The following SLC9A1 variants were observed in gnomAD, a reference collection of about 807,000 sequenced individuals.
The protein encoded by SLC9A1 is sodium/hydrogen exchanger 1.
A neutral mutation model predicts 67.9 loss-of-function variants in SLC9A1; 22 were observed. That is an observed-to-expected ratio of 0.32 (90% CI 0.23 to 0.46). SLC9A1 has a LOEUF of 0.46. Ranked by LOEUF, SLC9A1 falls within the 20% of genes least tolerant of loss-of-function variation. SLC9A1 has a pLI of 1.00. For missense variants in SLC9A1, 686 were observed against 1,094.8 expected (o/e 0.63, Z 5.27); for synonymous variants, 421 against 471.8 (o/e 0.89, Z 1.40).
At chr1:27,144,563 C>T (rs762552602) in intron 1 of SLC9A1, among the ~76,000 whole-genome samples, 13 of 152,262 alleles carry the variant, frequency 8.5e-5, no homozygotes, top group South Asian at 6.2e-4. Flanking sequence ...GCAACCTTTG[C>T]TCTCCCTCCT....
chr1:27,136,061 C>T (rs2083418752), intron 1 of SLC9A1, among the ~76,000 whole-genome samples: 1 of 152,226 alleles, frequency 6.6e-6, no homozygotes, highest in Non-Finnish European at 1.5e-5. Context: ...TGGCCCCTGA[C>T]TGCCCAGAAG....
rs1170099088 is a variant in SLC9A1 at position 27,100,138 on chromosome 1, G to A, written c.*169C>T. 1.0e-5 allele frequency: 5 copies of A among 490,062 alleles called. No homozygotes were observed. Among genetic ancestry groups the A allele is most frequent in the African/African-American group, 7.9e-5 (4 of 50,618 alleles). The allele number at this position is 490,062 out of a possible 1,614,324, so 30.4% of individuals were successfully genotyped here. A position where few individuals can be genotyped will look rare whatever the true frequency, so the allele number is the denominator to read the frequency against. On this transcript the variant is annotated 3_prime_UTR_variant, in exon 12 of 12. Coordinates refer to ENST00000263980, the MANE Select transcript of SLC9A1 (RefSeq NM_003047.5). The surrounding 1 kb of genome is among the most constrained non-coding windows in gnomAD (Gnocchi z 5.6). ...CTGGTGGGGAGGATGCTTCCCGGGA[G>A]GCGGCAGGGGAGGAGCTGTGCTGGG...
intron 1 of SLC9A1, among the ~76,000 whole-genome samples, chr1:27,125,371 G>A (rs2083336155): frequency 7.0e-6 from 1 of 142,730 alleles, no homozygotes; most frequent in African/African-American, 2.6e-5. Flanking sequence ...TCAGCCACCT[G>A]AGTAGCTGGC....
At chr1:27,105,025 G>A (rs948292674) in intron 5 of SLC9A1, among the ~76,000 whole-genome samples, 17 of 152,142 alleles carry the variant, frequency 1.1e-4, no homozygotes, top group African/African-American at 4.1e-4. Context: ...GAATCATCTC[G>A]CCTGGTTCCC....
At position 27,113,975 on chromosome 1, in the gene SLC9A1, T is replaced by C. The variant is rs757045960; in HGVS notation, c.664A>G (p.Ile222Val). 6 of 1,614,120 alleles carry C rather than the reference T, an allele frequency of 3.7e-6. No homozygotes were observed. Among genetic ancestry groups the C allele is most frequent in the Non-Finnish European group, 5.1e-6 (6 of 1,180,030 alleles). Reference sequence around the variant, plus strand: ...AAGAGCAGGTTGTCCAGGAGGCCGATGTTGTTGATCTGCTCACCGCCCACC... The same window carrying C: ...AAGAGCAGGTTGTCCAGGAGGCCGACGTTGTTGATCTGCTCACCGCCCACC... ...CLVGGEQINN[I>V]GLLDNLLFGS... is the part of the protein sequence containing the mutation. The change falls in exon 2 of 12, where the codon ATC becomes GTC. Residue 222 changes from isoleucine to valine, a missense_variant. This residue lies in a region of SLC9A1 where 49 missense variants were observed against 73.1 expected (regional missense o/e 0.67). Coordinates refer to ENST00000263980, the MANE Select transcript of SLC9A1 (RefSeq NM_003047.5).
At chr1:27,124,219 G>A (rs948548025) in intron 1 of SLC9A1, among the ~76,000 whole-genome samples, 1 of 152,102 alleles carries the variant, frequency 6.6e-6, no homozygotes, top group Non-Finnish European at 1.5e-5. Context: ...CTCAGTAAGA[G>A]AGCTTCCATT....
In SLC9A1 at chr1:27,114,816, A is replaced by T. The variant is rs1000935213; in HGVS notation, c.353-530T>A. Among the ~76,000 whole-genome samples, 30 of 152,152 alleles carry T rather than the reference A, an allele frequency of 2.0e-4. No homozygotes were observed. The highest frequency in any genetic ancestry group is 7.0e-4 in the African/African-American group (29 of 41,418). ...AGACAACCAGCTGGTGGGGAGTGGC[A>T]TAGGAGACAGAAGAAAGCACAGAAG... On this transcript the variant is annotated intron_variant, in intron 1 of 11. Transcript: ENST00000263980. The surrounding 1 kb of genome is among the most constrained non-coding windows in gnomAD (Gnocchi z 5.4).
intron 6 of SLC9A1, 88 bp from the exon 7 acceptor site, chr1:27,102,831 T>C (rs1231619687): frequency 8.4e-7 from 1 of 1,186,560 alleles, no homozygotes; most frequent in African/African-American, 1.5e-5. Context: ...CTCCCGTAGC[T>C]GCAGCCCTGC....
rs143839708 is a variant in SLC9A1 at position 27,139,094 on chromosome 1, G to A, written c.352+14889C>T. ...AGTTCCAGATGCTTCATCCAGCCCC[G>A]CCCACCTACTGTCTTATTTCTCACT... On this transcript the variant is annotated intron_variant, in intron 1 of 11. Coordinates refer to ENST00000263980, the MANE Select transcript of SLC9A1 (RefSeq NM_003047.5). 4.1e-3 allele frequency among the ~76,000 whole-genome samples: 620 copies of A among 152,136 alleles called. 13 individuals carry two copies. The highest frequency in any genetic ancestry group is 9.1e-3 in the East Asian group (47 of 5,172).
At position 27,100,249 on chromosome 1, in the gene SLC9A1, G is replaced by C. The variant is rs2083130606; in HGVS notation, c.*58C>G. ...GGAAGGGCAAGGGGAGCCCCCAGCA[G>C]CCCCTGCTCTGGTGGAAGAGTCTGT... On this transcript the variant is annotated 3_prime_UTR_variant, in exon 12 of 12. Transcript: ENST00000263980. The surrounding 1 kb of genome is among the most constrained non-coding windows in gnomAD (Gnocchi z 5.6). 7.6e-7 allele frequency: 1 copy of C among 1,311,968 alleles called. No homozygotes were observed. The highest frequency in any genetic ancestry group is 1.5e-5 in the African/African-American group (1 of 67,126). The allele number at this position is 1,311,968 out of a possible 1,614,324, so 81.3% of individuals were successfully genotyped here.
In SLC9A1 at chr1:27,105,925, G is replaced by A; in HGVS notation, c.1445C>T (p.Thr482Ile). 6.2e-7 allele frequency: 1 copy of A among 1,613,682 alleles called. No individual in the cohort carries two copies. Among genetic ancestry groups the A allele is most frequent in the Non-Finnish European group, 8.5e-7 (1 of 1,180,022 alleles). Residue 482 changes from threonine (T) to isoleucine (I), a missense_variant, in exon 5 of 12, where the codon ACT (threonine) becomes ATT (isoleucine). Physicochemically the swap from Thr to Ile is moderately conservative, Grantham distance 89. Transcript: ENST00000263980. ...KHFPMCDLFL[T>I]AIITVIFFTV... The stretch of plus-strand genomic sequence containing the variant: ...GAAGAAGATGACAGTGATGATGGCA[G>A]TGAGGAACAGGTCACACATGGGGAA...
At chr1:27,148,658 T>G (rs2083505180) in intron 1 of SLC9A1, among the ~76,000 whole-genome samples, 1 of 152,150 alleles carries the variant, frequency 6.6e-6, no homozygotes, top group Non-Finnish European at 1.5e-5. Flanking sequence ...ACAGGACCAC[T>G]GAGAAGATCT....
intron 1 of SLC9A1, among the ~76,000 whole-genome samples, chr1:27,133,170 C>T (rs958516936): frequency 2.6e-5 from 4 of 151,988 alleles, no homozygotes; most frequent in African/African-American, 4.8e-5. Flanking sequence ...TGGGTTCAAG[C>T]GATTCTTGTG....
At chr1:27,132,564 C>T (rs1177581168) in intron 1 of SLC9A1, among the ~76,000 whole-genome samples, 2 of 152,184 alleles carry the variant, frequency 1.3e-5, no homozygotes, top group Non-Finnish European at 2.9e-5. Context: ...CCCCTCCTCA[C>T]AGGGTCAGGT....
intron 2 of SLC9A1, among the ~76,000 whole-genome samples, chr1:27,111,717 G>C (rs752035897): frequency 2.0e-5 from 3 of 152,144 alleles, no homozygotes; most frequent in Non-Finnish European, 4.4e-5. Context: ...GGCTAAGAGG[G>C]GATGATCATT....
Position 27,101,309 on chromosome 1 carries a change from A to G in SLC9A1, c.2038-34T>C, listed in dbSNP as rs774981723. The G allele has an allele frequency of 1.3e-6, 2 of 1,566,622 alleles. No individual in the cohort carries two copies. Among genetic ancestry groups the G allele is most frequent in the South Asian group, 1.1e-5 (1 of 90,122 alleles). On this transcript the variant is annotated intron_variant, in intron 10 of 11. Coordinates refer to ENST00000263980, the MANE Select transcript of SLC9A1 (RefSeq NM_003047.5). This position sits in a 1 kb window ranked among gnomAD's most constrained non-coding sequence, Gnocchi z 4.9. ...GAGGACAGACGGGGTGAGCACAGGCAGCTGGGCAGAGGGAGCCCCTCAGGA... is the reference window on the plus strand; with the variant it reads ...GAGGACAGACGGGGTGAGCACAGGCGGCTGGGCAGAGGGAGCCCCTCAGGA...
chr1:27,110,785 T>C (rs1311858732), intron 2 of SLC9A1, among the ~76,000 whole-genome samples: 1 of 152,144 alleles, frequency 6.6e-6, no homozygotes, highest in African/African-American at 2.4e-5. Flanking sequence ...GATCTGCCCC[T>C]CCTATTGCTA....
At chr1:27,131,182 G>T (rs1340313676) in intron 1 of SLC9A1, among the ~76,000 whole-genome samples, 1 of 152,216 alleles carries the variant, frequency 6.6e-6, no homozygotes, top group Non-Finnish European at 1.5e-5. Flanking sequence ...GCAGGACAAG[G>T]AGGGTCAAGA....
intron 1 of SLC9A1, among the ~76,000 whole-genome samples, chr1:27,138,049 ACT>A (rs1391949634): frequency 1.3e-5 from 2 of 151,180 alleles, no homozygotes; most frequent in African/African-American, 4.9e-5. Context: ...GCCTGAGCCG[ACT>A]CTATCGCACT....
Sources: gnomAD v4.1 joint callset for allele counts (sites outside exome capture counted in the v4.1 genomes callset) on GRCh38, gnomAD v4.1.1 for gene constraint, gnomAD v4.1.1 regional missense constraint, Gnocchi (gnomAD v3.1) non-coding constraint, MANE v1.5 for transcripts, NCBI Gene and HGNC (gene_info 2026-07-23, HGNC 2026-07-21) for gene names.